The following SLC44A1 variants were observed in gnomAD, a reference collection of about 807,000 sequenced individuals.
SLC44A1 encodes the protein choline transporter-like protein 1.
A neutral mutation model predicts 79.3 loss-of-function variants in SLC44A1; 26 were observed. The observed-to-expected ratio is 0.33, with a 90% CI of 0.24 to 0.46. SLC44A1 has a LOEUF of 0.46. SLC44A1 is among the 20% of genes least tolerant of loss of function. The probability of loss-of-function intolerance (pLI) is 1.00; values close to 1 mark genes in which losing one functional copy is unlikely to be tolerated. For synonymous variants in SLC44A1, 263 were observed against 286.2 expected (o/e 0.92, Z 0.82); for missense variants, 688 against 798.1 (o/e 0.86, Z 1.66).
chr9:105,308,700 G>A (rs1490876510), intron 2 of SLC44A1, among the ~76,000 whole-genome samples: 4 of 152,156 alleles, frequency 2.6e-5, no homozygotes, highest in South Asian at 2.1e-4. Flanking sequence ...AGTACTACTC[G>A]TGATACTTGG....
At chr9:105,401,042 GGAA>G (rs1828951529), downstream of SLC44A1, among the ~76,000 whole-genome samples, 1 of 152,166 alleles carries the variant, frequency 6.6e-6, no homozygotes, top group Non-Finnish European at 1.5e-5. Context: ...GCCTCTGAGT[GGAA>G]GCCCCTCTCC....
chr9:105,251,288 T>C (rs1421327999), intron 1 of SLC44A1, among the ~76,000 whole-genome samples: 1 of 152,144 alleles, frequency 6.6e-6, no homozygotes, highest in Non-Finnish European at 1.5e-5. Flanking sequence ...TCGAGTCCTG[T>C]AGGGAACCTG....
chr9:105,411,398 C>A (rs1462069483), intron 15 of SLC44A1, among the ~76,000 whole-genome samples: 1 of 151,668 alleles, frequency 6.6e-6, no homozygotes, highest in South Asian at 2.1e-4. Flanking sequence ...CTCCCTCTCT[C>A]TTGCTCTGTC....
intron 15 of SLC44A1, among the ~76,000 whole-genome samples, chr9:105,433,568 G>A (rs998127400): frequency 6.6e-6 from 1 of 152,050 alleles, no homozygotes; most frequent in African/African-American, 2.4e-5. Context: ...ATCATATTAA[G>A]TCAGGGGGAT....
chr9:105,351,610 G>GAA (rs1453555141), intron 5 of SLC44A1, among the ~76,000 whole-genome samples: 2 of 97,098 alleles, frequency 2.1e-5, no homozygotes, highest in Non-Finnish European at 4.1e-5. Flanking sequence ...AAGAAAGAAA[G>GAA]AAAGAAAGAA....
rs1460715645 is a variant in SLC44A1 at position 105,244,691 on chromosome 9, G to T, written c.-178G>T. 3.3e-6 allele frequency: 1 copy of T among 298,710 alleles called. No individual in the cohort carries two copies. The highest frequency in any genetic ancestry group is 6.1e-6 in the Non-Finnish European group (1 of 164,254). 18.5% of individuals were successfully genotyped at this position (298,710 alleles called of 1,614,324 possible). A position where few individuals can be genotyped will look rare whatever the true frequency, so the allele number is the denominator to read the frequency against. On this transcript the variant is annotated 5_prime_UTR_variant, in exon 1 of 16. Coordinates refer to ENST00000374720, the MANE Select transcript of SLC44A1 (RefSeq NM_080546.5). ...GTCGCCGCCGCCGGGGGATGTGGCC[G>T]GCGCCTGCCTCTAGCCGCGCCGCCT...
chr9:105,251,376 A>C (rs1208415617), intron 1 of SLC44A1, among the ~76,000 whole-genome samples: 2 of 152,128 alleles, frequency 1.3e-5, no homozygotes, highest in African/African-American at 4.8e-5. Context: ...CTCCGGTTCA[A>C]GCCTCTGTCA....
At position 105,391,521 on chromosome 9, in the gene SLC44A1, C is replaced by T. The variant is rs1564047584; in HGVS notation, c.*2465C>T. 1 of 985,418 alleles carries T rather than the reference C, an allele frequency of 1.0e-6. No homozygotes were observed. Among genetic ancestry groups the T allele is most frequent in the East Asian group, 1.1e-4 (1 of 8,806 alleles). 61.0% of individuals were successfully genotyped at this position (985,418 alleles called of 1,614,324 possible). A position where few individuals can be genotyped will look rare whatever the true frequency, so the allele number is the denominator to read the frequency against. On this transcript the variant is annotated 3_prime_UTR_variant, in exon 16 of 16. Transcript: ENST00000374720. ...TGTAGAAATATGCAGATATGCATTA[C>T]ACAGGCACACACAGAGAGATATTTA...
Position 105,394,272 on chromosome 9 carries a change from G to A in SLC44A1, c.*5216G>A, listed in dbSNP as rs141011524. ...ATGATGCTTACCACCTTCTGACCTG[G>A]AATCATTTTTATAACTTAAAGACTT... On this transcript the variant is annotated 3_prime_UTR_variant, in exon 16 of 16. Coordinates refer to ENST00000374720, the MANE Select transcript of SLC44A1 (RefSeq NM_080546.5). 3 of 985,396 alleles carry A rather than the reference G, an allele frequency of 3.0e-6. No homozygotes were observed. Among genetic ancestry groups the A allele is most frequent in the Non-Finnish European group, 3.6e-6 (3 of 829,934 alleles). The allele number at this position is 985,396 out of a possible 1,614,324, so 61.0% of individuals were successfully genotyped here.
Position 105,334,670 on chromosome 9 carries a change from A to G in SLC44A1, c.270-893A>G, listed in dbSNP as rs144265131. Among the ~76,000 whole-genome samples the G allele has an allele frequency of 3.3e-3, 508 of 152,318 alleles. 2 individuals carry two copies. The highest frequency in any genetic ancestry group is 0.011 in the African/African-American group (477 of 41,566). Reference sequence around the variant, plus strand: ...GTGTTATTGCACTTAGCTTATCTCAATTGAGAATGTTTAGCCCTTACTTTC... The same window carrying G: ...GTGTTATTGCACTTAGCTTATCTCAGTTGAGAATGTTTAGCCCTTACTTTC... On this transcript the variant is annotated intron_variant, in intron 3 of 15. Transcript: ENST00000374720.
chr9:105,403,375 A>T (rs1828983045), intron 15 of SLC44A1, among the ~76,000 whole-genome samples: 1 of 151,974 alleles, frequency 6.6e-6, no homozygotes, highest in African/African-American at 2.4e-5. Context: ...GGATTTGGGG[A>T]TGCTAAGCTG....
In SLC44A1 at chr9:105,383,359, G is replaced by A. The variant is rs760406394; in HGVS notation, c.1869G>A (p.Met623Ile). 1 of 1,519,228 alleles carries A rather than the reference G, an allele frequency of 6.6e-7. No individual in the cohort carries two copies. Among genetic ancestry groups the A allele is most frequent in the Non-Finnish European group, 9.1e-7 (1 of 1,093,626 alleles). The allele number at this position is 1,519,228 out of a possible 1,614,324, so 94.1% of individuals were successfully genotyped here. ...GREFYMDKVL[M>I]EFVENSRKAM... ...AATTCTATATGGATAAAGTGCTGAT[G>A]GTAAGTACTTCAAATGCCGTTTCCT... is the stretch of plus-strand genomic sequence containing the variant. Residue 623 changes from methionine to isoleucine, a missense_variant and splice_region_variant, in exon 14 of 16, where the codon ATG (methionine) becomes ATA (isoleucine). Met to Ile is a conservative substitution (Grantham distance 10). Coordinates refer to ENST00000374720, the MANE Select transcript of SLC44A1 (RefSeq NM_080546.5).
rs528075420 is a variant in SLC44A1, at chr9:105,292,825, A to G, written c.37-6395A>G. On this transcript the variant is annotated intron_variant, in intron 1 of 15. Coordinates refer to ENST00000374720, the MANE Select transcript of SLC44A1 (RefSeq NM_080546.5). ...GGGGCTGTCTTACTTGTTGCATCTC[A>G]AGTATTTTGTGTGGTGCCCAGTATT... Among the ~76,000 whole-genome samples the G allele has an allele frequency of 1.4e-4, 22 of 152,288 alleles. No individual in the cohort carries two copies. The South Asian group carries it at 1.7e-3, about 11-fold the overall frequency.
intron 4 of SLC44A1, among the ~76,000 whole-genome samples, chr9:105,342,329 A>G (rs1588803972): frequency 6.6e-6 from 1 of 152,126 alleles, no homozygotes; most frequent in African/African-American, 2.4e-5. Context: ...GCATATCCAC[A>G]CTGTGTATGC....
chr9:105,347,981 A>G (rs1158721496), intron 4 of SLC44A1, among the ~76,000 whole-genome samples: 2 of 152,022 alleles, frequency 1.3e-5, no homozygotes, highest in African/African-American at 4.8e-5. Context: ...TAGGCAAGTT[A>G]TTTACCTTAT....
At position 105,393,460 on chromosome 9, in the gene SLC44A1, A is replaced by G. The variant is rs1828811118; in HGVS notation, c.*4404A>G. On this transcript the variant is annotated 3_prime_UTR_variant, in exon 16 of 16. Transcript: ENST00000374720. ...AGAATAGCACACTTTTTCCATTCAG[A>G]TTTCATACATTTGAGCCAAATTCTT... 1.0e-6 allele frequency: 1 copy of G among 982,034 alleles called. No individual in the cohort carries two copies. Among genetic ancestry groups the G allele is most frequent in the East Asian group, 1.1e-4 (1 of 8,810 alleles). 60.8% of individuals were successfully genotyped at this position (982,034 alleles called of 1,614,324 possible). A position where few individuals can be genotyped will look rare whatever the true frequency, so the allele number is the denominator to read the frequency against.
At chr9:105,361,698 T>C (rs76795767) in intron 8 of SLC44A1, among the ~76,000 whole-genome samples, 3,934 of 152,344 alleles carry the variant, frequency 0.026, 57 homozygotes, top group Middle Eastern at 0.058. Flanking sequence ...TTTACTTGTT[T>C]GCTAATTATC....
At chr9:105,329,403 C>T (rs1363551561) in intron 3 of SLC44A1, among the ~76,000 whole-genome samples, 5 of 152,066 alleles carry the variant, frequency 3.3e-5, no homozygotes, top group Non-Finnish European at 7.4e-5. Context: ...CAGCCAAATT[C>T]GGCAGGAGGC....
intron 15 of SLC44A1, among the ~76,000 whole-genome samples, chr9:105,409,119 A>T (rs547842785): frequency 6.6e-6 from 1 of 152,372 alleles, no homozygotes; most frequent in East Asian, 1.9e-4. Context: ...AAATGGATTA[A>T]ACTCTTCAGT....
Sources: allele counts gnomAD v4.1 joint callset (sites outside exome capture counted in the v4.1 genomes callset), GRCh38; gene constraint gnomAD v4.1.1; transcripts MANE v1.5; gene names NCBI Gene and HGNC (gene_info 2026-07-23, HGNC 2026-07-21).